Variants in CADM1 observed in about 807,000 individuals in gnomAD.
CADM1 encodes cell adhesion molecule 1, also known as TSLC-1.
Under a neutral mutation model 53.1 loss-of-function variants are expected in CADM1, and 15 were observed. The observed-to-expected ratio is 0.28, with a 90% CI of 0.19 to 0.44. The LOEUF (loss-of-function observed/expected upper bound fraction) is 0.44, where lower values mean the gene tolerates loss of function less well. CADM1 is among the 20% of genes least tolerant of loss of function. The pLI is 1.00. For synonymous variants in CADM1, 281 were observed against 243.0 expected (o/e 1.16, Z -1.45); for missense variants, 434 against 611.3 (o/e 0.71, Z 3.06).
chr11:115,220,021 A>C (rs1337738148), intron 5 of CADM1, among the ~76,000 whole-genome samples: 2 of 152,014 alleles, frequency 1.3e-5, no homozygotes, highest in African/African-American at 4.8e-5. Context: ...TAAAGCCCAA[A>C]ATTTGGGCTG....
At chr11:115,180,849 G>A (rs4938183) in intron 10 of CADM1, among the ~76,000 whole-genome samples, 143,366 of 152,180 alleles carry the variant, frequency 0.94, 67,636 homozygotes, top group Middle Eastern at 0.97. Flanking sequence ...GGGAATCTTG[G>A]GGGAATGAGA....
At chr11:115,267,538 A>G (rs2135035723) in intron 1 of CADM1, among the ~76,000 whole-genome samples, 1 of 152,344 alleles carries the variant, frequency 6.6e-6, no homozygotes, top group African/African-American at 2.4e-5. Flanking sequence ...GATAAATCAA[A>G]CAACCACTTC....
intron 1 of CADM1, chr11:115,240,991 G>A (rs11215438): frequency 0.23 from 35,989 of 155,028 alleles, 4,715 homozygotes; most frequent in East Asian, 0.62. Context: ...CTTAGGGTTC[G>A]GAGTTTGTTA....
intron 1 of CADM1, among the ~76,000 whole-genome samples, chr11:115,241,681 ATCG>A (rs1390366938): frequency 6.6e-6 from 1 of 152,226 alleles, no homozygotes; most frequent in Non-Finnish European, 1.5e-5. Context: ...TATCATCATC[ATCG>A]TCATCATTTC....
Position 115,171,047 on chromosome 11 carries a change from C to T in CADM1, c.*5427G>A, listed in dbSNP as rs1331981078. ...GTGACTACTGCGTGCCTGACAGGAA[C>T]TTTAATATGGTATTGACCTACAAGG... On this transcript the variant is annotated 3_prime_UTR_variant, in exon 12 of 12. Coordinates refer to ENST00000331581, the MANE Select transcript of CADM1 (RefSeq NM_001301043.2). The T allele has an allele frequency of 1.3e-5, 2 of 152,208 alleles. No individual in the cohort carries two copies. The highest frequency in any genetic ancestry group is 3.9e-4 in the East Asian group (2 of 5,192). The allele number at this position is 152,208 out of a possible 1,614,324, so 9.4% of individuals were successfully genotyped here. A position where few individuals can be genotyped will look rare whatever the true frequency, so the allele number is the denominator to read the frequency against.
At chr11:115,435,533 G>C (rs1406376308) in intron 1 of CADM1, among the ~76,000 whole-genome samples, 1 of 152,080 alleles carries the variant, frequency 6.6e-6, no homozygotes, top group Non-Finnish European at 1.5e-5. Flanking sequence ...AGGAGTTCGA[G>C]ACCAGCCTGA....
chr11:115,353,723 A>AG (rs1328397949), intron 1 of CADM1, among the ~76,000 whole-genome samples: 1 of 152,142 alleles, frequency 6.6e-6, no homozygotes. Context: ...CTGGAGGTTC[A>AG]GGGAGTGGTA....
chr11:115,461,488 CA>C (rs1948793798), intron 1 of CADM1, among the ~76,000 whole-genome samples: 2 of 152,084 alleles, frequency 1.3e-5, no homozygotes, highest in African/African-American at 4.8e-5. Flanking sequence ...TGACCCTGAG[CA>C]AAGCAAAAGG....
intron 1 of CADM1, among the ~76,000 whole-genome samples, chr11:115,244,233 C>T (rs964752851): frequency 3.9e-5 from 6 of 152,172 alleles, no homozygotes; most frequent in Non-Finnish European, 5.9e-5. Context: ...TAGTAATGAC[C>T]ATGATAGCAG....
chr11:115,319,379 G>A (rs753502476), intron 1 of CADM1, among the ~76,000 whole-genome samples: 1 of 152,112 alleles, frequency 6.6e-6, no homozygotes, highest in Non-Finnish European at 1.5e-5. Context: ...ACTGAGGATG[G>A]TGAAGCAGAA....
At chr11:115,260,749 T>G (rs1405142779) in intron 1 of CADM1, among the ~76,000 whole-genome samples, 2 of 152,166 alleles carry the variant, frequency 1.3e-5, no homozygotes, top group Non-Finnish European at 2.9e-5. Flanking sequence ...CTTGGCTCAC[T>G]GCAAGCTCCG....
chr11:115,355,573 T>C (rs1945845183), intron 1 of CADM1, among the ~76,000 whole-genome samples: 1 of 151,966 alleles, frequency 6.6e-6, no homozygotes, highest in Non-Finnish European at 1.5e-5. Context: ...GTGGCGTAAG[T>C]TTAACCATAT....
chr11:115,386,876 CT>C, intron 1 of CADM1, among the ~76,000 whole-genome samples: 1 of 152,318 alleles, frequency 6.6e-6, no homozygotes, highest in African/African-American at 2.4e-5. Context: ...GATATACCCA[CT>C]ATTCAAAGAT....
At chr11:115,199,246 T>C (rs1236046746) in intron 8 of CADM1, among the ~76,000 whole-genome samples, 1 of 152,114 alleles carries the variant, frequency 6.6e-6, no homozygotes, top group Non-Finnish European at 1.5e-5. Flanking sequence ...TTCCAAAAAT[T>C]TAAGTATCCA....
chr11:115,272,278 T>G (rs1943320614), intron 1 of CADM1, among the ~76,000 whole-genome samples: 1 of 152,218 alleles, frequency 6.6e-6, no homozygotes, highest in African/African-American at 2.4e-5. Context: ...TTGCAACATT[T>G]CTCCAAATTG....
intron 1 of CADM1, 74 bp from the exon 2 acceptor site, chr11:115,240,494 T>C: frequency 6.7e-7 from 1 of 1,484,922 alleles, no homozygotes; most frequent in South Asian, 1.2e-5. Flanking sequence ...TCTATTAAAG[T>C]GGGAACTAGG....
At chr11:115,294,341 C>A (rs1943990037) in intron 1 of CADM1, among the ~76,000 whole-genome samples, 1 of 151,556 alleles carries the variant, frequency 6.6e-6, no homozygotes, top group Non-Finnish European at 1.5e-5. Flanking sequence ...CTCACCAAAC[C>A]CTCCTTCCTT....
chr11:115,402,649 G>C (rs1482280474), intron 1 of CADM1, among the ~76,000 whole-genome samples: 1 of 152,098 alleles, frequency 6.6e-6, no homozygotes, highest in African/African-American at 2.4e-5. Context: ...AAGCAAAAAT[G>C]GCTCAAAACA....
intron 1 of CADM1, among the ~76,000 whole-genome samples, chr11:115,367,796 G>A (rs1450075009): frequency 6.6e-6 from 1 of 151,850 alleles, no homozygotes; most frequent in East Asian, 1.9e-4. Flanking sequence ...GTTATCTCCA[G>A]AAGTAGATAC....
Sources: allele counts gnomAD v4.1 joint callset (sites outside exome capture counted in the v4.1 genomes callset), GRCh38; gene constraint gnomAD v4.1.1; transcripts MANE v1.5; gene names NCBI Gene and HGNC (gene_info 2026-07-23, HGNC 2026-07-21).